Variants in CHN1 observed in about 807,000 individuals in gnomAD.
CHN1 encodes chimerin 1.
In CHN1, 37 loss-of-function variants were observed where a neutral mutation model predicts 59.5. That is an observed-to-expected ratio of 0.62 (90% CI 0.48 to 0.82). CHN1 has a LOEUF of 0.82. Ranked by LOEUF, CHN1 falls within the 40% of genes least tolerant of loss-of-function variation. The pLI, the probability that CHN1 is intolerant of heterozygous loss-of-function variation, is 0.00. For missense variants in CHN1, 469 were observed against 571.0 expected (o/e 0.82, Z 1.82); for synonymous variants, 206 against 200.4 (o/e 1.03, Z -0.24).
At chr2:174,917,828 A>G (rs1688890709) in intron 4 of CHN1, among the ~76,000 whole-genome samples, 1 of 152,140 alleles carries the variant, frequency 6.6e-6, no homozygotes. Context: ...AAAACAAACA[A>G]TTTTGAGGAA....
rs148672723 is a variant in CHN1 at position 175,003,240 on chromosome 2, C to G, written c.19+1654G>C. ...TAACACAGAAACGTTCACACTGTAA[C>G]AAACTGGATTTTGGGAAGTGAATTC... On this transcript the variant is annotated intron_variant, in intron 1 of 12. Transcript: ENST00000409900. 2.1e-3 allele frequency among the ~76,000 whole-genome samples: 316 copies of G among 152,322 alleles called. 3 individuals are homozygous for G. The highest frequency in any genetic ancestry group is 2.3e-3 in the Non-Finnish European group (154 of 68,016).
rs1430103276 is a variant in CHN1 at position 174,928,161 on chromosome 2, T to C, written c.115-9596A>G. Among the ~76,000 whole-genome samples, 4 of 152,238 alleles carry C rather than the reference T, an allele frequency of 2.6e-5. No individual in the cohort carries two copies. In the East Asian group the frequency reaches 7.7e-4, roughly 29 times the overall value. On this transcript the variant is annotated intron_variant, in intron 3 of 12. Transcript: ENST00000409900. Reference sequence around the variant, plus strand: ...GCTTTGGATCTATTCTAATTTCTTATACTATAAAGTAAGGAAGGAGGAAGG... The same window carrying C: ...GCTTTGGATCTATTCTAATTTCTTACACTATAAAGTAAGGAAGGAGGAAGG...
intron 3 of CHN1, among the ~76,000 whole-genome samples, chr2:174,919,376 T>A (rs992119510): frequency 4.6e-5 from 7 of 152,010 alleles, no homozygotes; most frequent in African/African-American, 9.7e-5. Flanking sequence ...CTCTCTGAGA[T>A]GACATTTAAA....
chr2:174,851,034 C>T (rs1348248467), intron 6 of CHN1, among the ~76,000 whole-genome samples: 2 of 152,126 alleles, frequency 1.3e-5, no homozygotes, highest in African/African-American at 4.8e-5. Context: ...CTCAGAATCC[C>T]CATCTTTTGT....
chr2:174,872,584 T>C (rs1301164326), intron 6 of CHN1, among the ~76,000 whole-genome samples: 1 of 152,208 alleles, frequency 6.6e-6, no homozygotes. Flanking sequence ...TAGAGAATTA[T>C]TGGACAAAGG....
chr2:174,837,737 T>TA (rs1686138032), intron 7 of CHN1, among the ~76,000 whole-genome samples: 1 of 152,154 alleles, frequency 6.6e-6, no homozygotes, highest in Non-Finnish European at 1.5e-5. Flanking sequence ...GTCAAAAAAA[T>TA]AATTTACAGT....
intron 8 of CHN1, among the ~76,000 whole-genome samples, 185 bp downstream of exon 8, chr2:174,824,249 G>A (rs1685606389): frequency 6.6e-6 from 1 of 152,184 alleles, no homozygotes. Context: ...TCAAGTGCCA[G>A]AAGGTTAAGA....
chr2:174,944,950 G>C lies in CHN1; in HGVS notation c.59-7C>G. 6.4e-7 allele frequency: 1 copy of C among 1,564,652 alleles called. No homozygotes were observed. The highest frequency in any genetic ancestry group is 8.7e-7 in the Non-Finnish European group (1 of 1,152,394). On this transcript the variant is annotated splice_region_variant and splice_polypyrimidine_tract_variant and intron_variant, in intron 2 of 12. Transcript: ENST00000409900. ...TCCTGTTGTAGCTGATATACTGTGAGAAGGTAGAAACAAAAAGTGTCAATG... is the reference window on the plus strand; with the variant it reads ...TCCTGTTGTAGCTGATATACTGTGACAAGGTAGAAACAAAAAGTGTCAATG...
chr2:174,928,977 T>C (rs2105385175), intron 3 of CHN1, among the ~76,000 whole-genome samples: 1 of 152,178 alleles, frequency 6.6e-6, no homozygotes, highest in East Asian at 1.9e-4. Flanking sequence ...GGAAGTGACT[T>C]ACAGGGAAAA....
intron 1 of CHN1, among the ~76,000 whole-genome samples, chr2:174,983,151 C>T (rs997804649): frequency 6.6e-6 from 1 of 152,132 alleles, no homozygotes; most frequent in Non-Finnish European, 1.5e-5. Context: ...TTGAGTAGTA[C>T]TTACATAGAT....
At chr2:174,855,394 T>G (rs183271117) in intron 6 of CHN1, among the ~76,000 whole-genome samples, 5 of 152,284 alleles carry the variant, frequency 3.3e-5, no homozygotes, top group Admixed American at 1.3e-4. Flanking sequence ...CTCATTCAGG[T>G]TTAGTGAAAT....
chr2:174,872,482 T>C (rs1211933147), intron 6 of CHN1, among the ~76,000 whole-genome samples: 1 of 152,224 alleles, frequency 6.6e-6, no homozygotes, highest in Non-Finnish European at 1.5e-5. Context: ...GCTTGACTTG[T>C]CTTACATTCA....
At chr2:174,808,429 G>A (rs563272739) in intron 11 of CHN1, among the ~76,000 whole-genome samples, 176 of 152,172 alleles carry the variant, frequency 1.2e-3, no homozygotes, top group Non-Finnish European at 2.2e-3. Context: ...GACTACAGGC[G>A]CGTGCCACCA....
At chr2:174,828,024 T>C (rs913763426) in intron 7 of CHN1, among the ~76,000 whole-genome samples, 7 of 152,118 alleles carry the variant, frequency 4.6e-5, no homozygotes, top group African/African-American at 1.7e-4. Flanking sequence ...TAGCTCTGAA[T>C]ACAAGGAAAA....
At chr2:174,802,922 C>T (rs904189342) in intron 11 of CHN1, among the ~76,000 whole-genome samples, 4 of 152,104 alleles carry the variant, frequency 2.6e-5, no homozygotes, top group African/African-American at 7.2e-5. Flanking sequence ...CCTGTAATCC[C>T]AGCTACTTGG....
chr2:174,849,840 G>T (rs373965462), intron 6 of CHN1, among the ~76,000 whole-genome samples: 60 of 152,202 alleles, frequency 3.9e-4, no homozygotes, highest in Admixed American at 8.5e-4. Context: ...GCTAGTAGGT[G>T]GGGGGGCTGG....
At chr2:174,803,567 G>A (rs1684796354) in intron 11 of CHN1, among the ~76,000 whole-genome samples, 1 of 152,174 alleles carries the variant, frequency 6.6e-6, no homozygotes. Flanking sequence ...ACTAGTTAGG[G>A]TTTTTGTTCT....
In CHN1 at chr2:175,005,242, G is replaced by A. The variant is rs1251891480; in HGVS notation, c.-330C>T. The A allele has an allele frequency of 3.4e-6, 4 of 1,180,038 alleles. No homozygotes were observed. Among genetic ancestry groups the A allele is most frequent in the African/African-American group, 1.6e-5 (1 of 61,354 alleles). The allele number at this position is 1,180,038 out of a possible 1,614,324, so 73.1% of individuals were successfully genotyped here. A position where few individuals can be genotyped will look rare whatever the true frequency, so the allele number is the denominator to read the frequency against. ...GAGGCTTGGCCGCGGCGCAGTGGCT[G>A]GCGGAGAGGCGGCGCCGCACTGGCG... On this transcript the variant is annotated 5_prime_UTR_variant, in exon 1 of 13. Transcript: ENST00000409900.
chr2:174,982,834 T>A (rs950491873), intron 1 of CHN1, among the ~76,000 whole-genome samples: 6 of 152,196 alleles, frequency 3.9e-5, no homozygotes, highest in Non-Finnish European at 5.9e-5. Context: ...TTTTTTTAAT[T>A]TAAAATTTAA....
Sources: gnomAD v4.1 joint callset for allele counts (sites outside exome capture counted in the v4.1 genomes callset) on GRCh38, gnomAD v4.1.1 for gene constraint, MANE v1.5 for transcripts, NCBI Gene and HGNC (gene_info 2026-07-23, HGNC 2026-07-21) for gene names.